The following TMEM232 variants were observed in gnomAD, a reference collection of about 807,000 sequenced individuals.
TMEM232 encodes transmembrane protein 232.
TMEM232 carries 80 observed loss-of-function variants against 78.8 expected under a neutral mutation model. The observed-to-expected ratio is 1.01, with a 90% CI of 0.85 to 1.22. The LOEUF (loss-of-function observed/expected upper bound fraction) is 1.22, where lower values mean the gene tolerates loss of function less well. Among genes scored for constraint, TMEM232 ranks in the 50% most tolerant of loss-of-function variants. The probability of loss-of-function intolerance (pLI) is 0.00; values close to 1 mark genes in which losing one functional copy is unlikely to be tolerated. For missense variants in TMEM232, 881 were observed against 742.2 expected, an observed-to-expected ratio of 1.19 and a Z score of -2.17; for synonymous variants, 297 against 254.3, an observed-to-expected ratio of 1.17 and a Z score of -1.60.
intron 10 of TMEM232, among the ~76,000 whole-genome samples, chr5:110,593,841 A>G (rs1779829906): frequency 6.6e-6 from 1 of 152,146 alleles, no homozygotes; most frequent in Non-Finnish European, 1.5e-5. Flanking sequence ...TTGTAACACA[A>G]AAGTTAAATG....
In TMEM232 at chr5:110,492,045, C is replaced by CA. The variant is rs199616177; in HGVS notation, c.1703+36542dup. Among the ~76,000 whole-genome samples, 824 of 150,300 alleles carry CA rather than the reference C, an allele frequency of 5.5e-3. 9 individuals carry two copies. The highest frequency in any genetic ancestry group is 0.018 in the African/African-American group (745 of 41,004). On this transcript the variant is annotated intron_variant, in intron 12 of 13. Coordinates refer to ENST00000455884, the MANE Select transcript of TMEM232 (RefSeq NM_001039763.4). Reference sequence around the variant, plus strand: ...ATACAGACAATTGCCAGCAAACATGCAAAAAAAACAGATCATTCCAATTGT... The same window carrying CA: ...ATACAGACAATTGCCAGCAAACATGCAAAAAAAAACAGATCATTCCAATTGT...
intron 2 of TMEM232, among the ~76,000 whole-genome samples, chr5:110,657,582 C>T (rs996695556): frequency 6.6e-6 from 1 of 151,922 alleles, no homozygotes; most frequent in South Asian, 2.1e-4. Context: ...ATTGTTGTTA[C>T]CAGAGGCTGG....
At chr5:110,649,665 T>A (rs1311322035) in intron 2 of TMEM232, among the ~76,000 whole-genome samples, 1 of 152,174 alleles carries the variant, frequency 6.6e-6, no homozygotes, top group Non-Finnish European at 1.5e-5. Flanking sequence ...CCTTATGGTT[T>A]AAAGTTTGTG....
chr5:110,631,589 G>GTC (rs2149973391), intron 5 of TMEM232, among the ~76,000 whole-genome samples: 1 of 152,296 alleles, frequency 6.6e-6, no homozygotes, highest in East Asian at 1.9e-4. Context: ...GAACCAGATG[G>GTC]CACCTTGTCT....
chr5:110,687,337 C>T (rs1793543370), intron 1 of TMEM232, among the ~76,000 whole-genome samples: 1 of 152,158 alleles, frequency 6.6e-6, no homozygotes, highest in South Asian at 2.1e-4. Context: ...TTCAGGGCAA[C>T]TTGAATCTGT....
At chr5:110,701,361 G>C (rs1322765632) in intron 1 of TMEM232, among the ~76,000 whole-genome samples, 1 of 151,888 alleles carries the variant, frequency 6.6e-6, no homozygotes, top group Non-Finnish European at 1.5e-5. Flanking sequence ...CATCAAAACA[G>C]GAAGCTGTAA....
chr5:110,679,517 T>C (rs1792448408), intron 1 of TMEM232, among the ~76,000 whole-genome samples: 1 of 152,194 alleles, frequency 6.6e-6, no homozygotes, highest in Non-Finnish European at 1.5e-5. Flanking sequence ...GGACAGAAGT[T>C]GAAATTTAAT....
intron 1 of TMEM232, among the ~76,000 whole-genome samples, chr5:110,697,379 T>C (rs1052859889): frequency 6.6e-5 from 10 of 152,170 alleles, no homozygotes; most frequent in Admixed American, 1.3e-4. Flanking sequence ...ATTCAGGACA[T>C]AGGCATGGGC....
chr5:110,597,703 A>G, intron 10 of TMEM232, among the ~76,000 whole-genome samples: 2 of 151,736 alleles, frequency 1.3e-5, no homozygotes. Context: ...CCTCAGAAAT[A>G]ACACCGCATA....
intron 11 of TMEM232, among the ~76,000 whole-genome samples, chr5:110,567,674 C>A (rs1248070812): frequency 6.6e-6 from 1 of 151,838 alleles, no homozygotes; most frequent in Non-Finnish European, 1.5e-5. Flanking sequence ...GGTAACCCAA[C>A]AAAGGAACTT....
intron 2 of TMEM232, among the ~76,000 whole-genome samples, chr5:110,660,261 G>C (rs1196624607): frequency 2.0e-5 from 3 of 152,092 alleles, no homozygotes; most frequent in Middle Eastern, 3.4e-3. Flanking sequence ...AACTGTAAGA[G>C]AGTGAAATGA....
intron 12 of TMEM232, among the ~76,000 whole-genome samples, chr5:110,472,747 T>C (rs549371120): frequency 1.3e-5 from 2 of 151,990 alleles, no homozygotes; most frequent in East Asian, 3.9e-4. Flanking sequence ...TGGGACAGTA[T>C]AGAGAGCCCA....
At chr5:110,604,611 G>C (rs1158688446) in intron 10 of TMEM232, among the ~76,000 whole-genome samples, 1 of 152,122 alleles carries the variant, frequency 6.6e-6, no homozygotes, top group African/African-American at 2.4e-5. Flanking sequence ...AATATAATTT[G>C]AATCATCAGT....
intron 8 of TMEM232, among the ~76,000 whole-genome samples, chr5:110,610,257 AGGAAGGG>A: frequency 2.8e-5 from 4 of 142,290 alleles, no homozygotes; most frequent in Non-Finnish European, 6.1e-5. Flanking sequence ...GGAGGAAGGG[AGGAAGGG>A]AGGAAGGTGG....
chr5:110,650,020 T>G (rs1393746545), intron 2 of TMEM232, among the ~76,000 whole-genome samples: 1 of 152,114 alleles, frequency 6.6e-6, no homozygotes, highest in Non-Finnish European at 1.5e-5. Context: ...AAATAATGCA[T>G]GTACTGTACT....
intron 2 of TMEM232, among the ~76,000 whole-genome samples, chr5:110,398,750 C>CA (rs1254850302): frequency 6.6e-6 from 1 of 152,088 alleles, no homozygotes; most frequent in Non-Finnish European, 1.5e-5. Flanking sequence ...TTTCTTAATA[C>CA]AAAATTTTTT....
chr5:110,640,828 T>C (rs1474925320), intron 4 of TMEM232, 63 bp downstream of exon 4: 5 of 1,178,362 alleles, frequency 4.2e-6, no homozygotes, highest in Non-Finnish European at 5.7e-6. Flanking sequence ...AGTTCTCAAA[T>C]TATGCCTTCA....
At chr5:110,643,867 T>TA (rs1787088937) in intron 2 of TMEM232, among the ~76,000 whole-genome samples, 1 of 151,936 alleles carries the variant, frequency 6.6e-6, no homozygotes, top group South Asian at 2.1e-4. Context: ...GAATCAAATA[T>TA]AAGATATCCC....
intron 12 of TMEM232, among the ~76,000 whole-genome samples, chr5:110,509,743 A>G (rs1580998590): frequency 6.6e-6 from 1 of 152,268 alleles, no homozygotes; most frequent in East Asian, 1.9e-4. Flanking sequence ...ACATATGGGA[A>G]TGACTCCTGT....
Sources: allele counts gnomAD v4.1 joint callset (sites outside exome capture counted in the v4.1 genomes callset), GRCh38; gene constraint gnomAD v4.1.1; transcripts MANE v1.5; gene names NCBI Gene and HGNC (gene_info 2026-07-23, HGNC 2026-07-21).